The following NR2F1 variants were observed in gnomAD, a reference collection of about 807,000 sequenced individuals.
The protein encoded by NR2F1 is nuclear receptor subfamily 2 group F member 1, also known as COUP transcription factor 1.
A neutral mutation model predicts 37.7 loss-of-function variants in NR2F1; 1 was observed. The observed-to-expected ratio is 0.03, with a 90% CI of 0.01 to 0.13. NR2F1 has a LOEUF of 0.13. Among genes scored for constraint, NR2F1 ranks in the 10% least tolerant of loss-of-function variants. NR2F1 has a pLI of 1.00. For synonymous variants in NR2F1, 275 were observed against 259.6 expected, an observed-to-expected ratio of 1.06 and a Z score of -0.57; for missense variants, 268 against 578.4, an observed-to-expected ratio of 0.46 and a Z score of 5.50.
At chr5:93,586,834 T>C (rs1456733942) in intron 1 of NR2F1, among the ~76,000 whole-genome samples, 1 of 152,118 alleles carries the variant, frequency 6.6e-6, no homozygotes, top group African/African-American at 2.4e-5. Context: ...AGAGCTTCAA[T>C]TGCACTGGAA....
At chr5:93,592,471 A>T (rs1753347865) in intron 2 of NR2F1, among the ~76,000 whole-genome samples, 1 of 151,680 alleles carries the variant, frequency 6.6e-6, no homozygotes. Flanking sequence ...TTCCCTCCCT[A>T]TGCTTGCCTC....
chr5:93,585,043 G>T lies in NR2F1; in HGVS notation c.20G>T (p.Ser7Ile). The change falls in exon 1 of 3, where the codon AGC becomes ATC. Residue 7 changes from serine to isoleucine, a missense_variant. Coordinates refer to ENST00000327111, the MANE Select transcript of NR2F1 (RefSeq NM_005654.6). ...AAAGATATGGCAATGGTAGTTAGCAGCTGGCGAGATCCGCAGGACGACGTG... is the reference window on the plus strand; with the variant it reads ...AAAGATATGGCAATGGTAGTTAGCATCTGGCGAGATCCGCAGGACGACGTG... MAMVVSSWRDPQDDVAG... is the reference protein window; with the variant it reads MAMVVSIWRDPQDDVAG... 1 of 1,033,968 alleles carries T rather than the reference G, an allele frequency of 9.7e-7. No homozygotes were observed. Among genetic ancestry groups the T allele is most frequent in the East Asian group, 8.8e-5 (1 of 11,388 alleles). The allele number at this position is 1,033,968 out of a possible 1,614,324, so 64.0% of individuals were successfully genotyped here.
chr5:93,587,919 G>T lies in NR2F1; in HGVS notation c.466G>T (p.Val156Phe). The stretch of plus-strand genomic sequence containing the variant: ...TTTTCTCTCTTTCTTTTTGTCAGCG[G>T]TTCAGCGAGGAAGAATGCCTCCAAC... The part of the protein sequence containing the change: ...CLKVGMRREA[V>F]QRGRMPPTQP... Residue 156 changes from valine to phenylalanine, a missense_variant and splice_region_variant, in exon 2 of 3, where the codon GTT (valine) becomes TTT (phenylalanine). Physicochemically the swap from Val to Phe is conservative, Grantham distance 50. This residue lies in a region of NR2F1 where 16 missense variants were observed against 113.0 expected (regional missense o/e 0.14). Transcript: ENST00000327111. 1 of 1,561,460 alleles carries T rather than the reference G, an allele frequency of 6.4e-7. No homozygotes were observed. The highest frequency in any genetic ancestry group is 8.7e-7 in the Non-Finnish European group (1 of 1,151,038).
At chr5:93,586,255 C>A (rs167607) in intron 1 of NR2F1, among the ~76,000 whole-genome samples, 1 of 152,148 alleles carries the variant, frequency 6.6e-6, no homozygotes, top group Non-Finnish European at 1.5e-5. Flanking sequence ...CGTTTTATTT[C>A]TTCATCAAAC....
In NR2F1 at chr5:93,593,916, C is replaced by T. The variant is rs1044034877; in HGVS notation, c.*74C>T. 5 of 1,464,108 alleles carry T rather than the reference C, an allele frequency of 3.4e-6. No individual in the cohort carries two copies. Among genetic ancestry groups the T allele is most frequent in the Middle Eastern group, 1.8e-4 (1 of 5,536 alleles). 90.7% of individuals were successfully genotyped at this position (1,464,108 alleles called of 1,614,324 possible). ...CCACCTGGGCCAAGGACTCCAAAGCCGCGGGGACACCGGGAAGTGCAGCGG... is the reference window on the plus strand; with the variant it reads ...CCACCTGGGCCAAGGACTCCAAAGCTGCGGGGACACCGGGAAGTGCAGCGG... On this transcript the variant is annotated 3_prime_UTR_variant, in exon 3 of 3. Transcript: ENST00000327111. This position sits in a 1 kb window ranked among gnomAD's most constrained non-coding sequence, Gnocchi z 5.6.
chr5:93,588,455 G>A lies in NR2F1; in HGVS notation c.991+11G>A, dbSNP rs1753269419. ...TGCTGTTCACGTCAGGTGAGGCTGC[G>A]GTCGCGGGGAGGGCAGGCCGCGCCG... On this transcript the variant is annotated intron_variant, in intron 2 of 2. Coordinates refer to ENST00000327111, the MANE Select transcript of NR2F1 (RefSeq NM_005654.6). The A allele has an allele frequency of 6.5e-7, 1 of 1,548,384 alleles. No homozygotes were observed. Among genetic ancestry groups the A allele is most frequent in the Non-Finnish European group, 8.7e-7 (1 of 1,143,374 alleles).
chr5:93,593,443 CTTTTT>C lies in NR2F1; in HGVS notation c.992-117_992-113del. On this transcript the variant is annotated intron_variant, in intron 2 of 2. Coordinates refer to ENST00000327111, the MANE Select transcript of NR2F1 (RefSeq NM_005654.6). This position sits in a 1 kb window ranked among gnomAD's most constrained non-coding sequence, Gnocchi z 5.6. ...TGAATTTTTCTTTTCTCTTTTACTT[CTTTTT>C]TATTTTCCATTTTCTCCTTAAAAAA... The C allele has an allele frequency of 3.7e-6, 4 of 1,086,206 alleles. No individual in the cohort carries two copies. The highest frequency in any genetic ancestry group is 5.3e-6 in the Non-Finnish European group (4 of 753,996). 67.3% of individuals were successfully genotyped at this position (1,086,206 alleles called of 1,614,324 possible).
chr5:93,588,458 C>T lies in NR2F1; in HGVS notation c.991+14C>T, dbSNP rs746699014. ...TGTTCACGTCAGGTGAGGCTGCGGT[C>T]GCGGGGAGGGCAGGCCGCGCCGGCA... On this transcript the variant is annotated intron_variant, in intron 2 of 2. Coordinates refer to ENST00000327111, the MANE Select transcript of NR2F1 (RefSeq NM_005654.6). 1 of 1,534,750 alleles carries T rather than the reference C, an allele frequency of 6.5e-7. No homozygotes were observed. The highest frequency in any genetic ancestry group is 1.3e-5 in the South Asian group (1 of 79,004).
intron 2 of NR2F1, among the ~76,000 whole-genome samples, chr5:93,591,059 A>G (rs1005052808): frequency 6.6e-6 from 1 of 152,224 alleles, no homozygotes; most frequent in African/African-American, 2.4e-5. Context: ...CCTGAACACT[A>G]AACTCTTCTG....
chr5:93,591,753 G>A lies in NR2F1; in HGVS notation c.992-1809G>A, dbSNP rs111680593. Among the ~76,000 whole-genome samples, 699 of 152,260 alleles carry A rather than the reference G, an allele frequency of 4.6e-3. 5 individuals are homozygous for A. Among genetic ancestry groups the A allele is most frequent in the African/African-American group, 0.016 (680 of 41,554 alleles). ...CATTGCATTGTCTAGGGCTGAGAAT[G>A]ATCCATAAGCATGCAGGCAGATAAT... On this transcript the variant is annotated intron_variant, in intron 2 of 2. Transcript: ENST00000327111.
intron 2 of NR2F1, among the ~76,000 whole-genome samples, chr5:93,590,309 A>G (rs1753309555): frequency 1.3e-5 from 2 of 152,088 alleles, no homozygotes; most frequent in South Asian, 4.1e-4. Context: ...TACACCCCCT[A>G]AGGTTCTTTG....
At chr5:93,592,379 T>A (rs1051872265) in intron 2 of NR2F1, among the ~76,000 whole-genome samples, 29 of 152,164 alleles carry the variant, frequency 1.9e-4, no homozygotes, top group South Asian at 4.1e-4. Context: ...GGTTTTTTTT[T>A]AATATTTATT....
At chr5:93,587,805 C>A in intron 1 of NR2F1, 112 bp from the exon 2 acceptor site, 1 of 1,138,316 alleles carries the variant, frequency 8.8e-7, no homozygotes, top group Non-Finnish European at 1.2e-6. Flanking sequence ...ATGCGCGGGG[C>A]GCGTGTGGCT....
At position 93,584,179 on chromosome 5, in the gene NR2F1, GC is replaced by G. The variant is rs1392556162; in HGVS notation, c.-841del. ...CGGGACAGCGGCGGCGCCGCGGGCGGCCCCGGCCTCCGCTCGCGCTCCGGCT... is the reference window on the plus strand; with the variant it reads ...CGGGACAGCGGCGGCGCCGCGGGCGGCCCGGCCTCCGCTCGCGCTCCGGCT... On this transcript the variant is annotated 5_prime_UTR_variant, in exon 1 of 3. Transcript: ENST00000327111. The G allele has an allele frequency of 6.7e-6, 1 of 148,760 alleles. No individual in the cohort carries two copies. The highest frequency in any genetic ancestry group is 2.4e-5 in the African/African-American group (1 of 41,074). The allele number at this position is 148,760 out of a possible 1,614,324, so 9.2% of individuals were successfully genotyped here.
At chr5:93,589,076 A>G (rs1177558115) in intron 2 of NR2F1, among the ~76,000 whole-genome samples, 1 of 152,166 alleles carries the variant, frequency 6.6e-6, no homozygotes, top group Non-Finnish European at 1.5e-5. Flanking sequence ...TGGTGAGGTT[A>G]TTGAGGGTCG....
rs2149946474 is a variant in NR2F1, at chr5:93,594,340, A to T, written c.*498A>T. The T allele has an allele frequency of 6.5e-6, 1 of 152,706 alleles. No individual in the cohort carries two copies. The highest frequency in any genetic ancestry group is 3.4e-3 in the Middle Eastern group (1 of 294). The allele number at this position is 152,706 out of a possible 1,614,324, so 9.5% of individuals were successfully genotyped here. The stretch of plus-strand genomic sequence containing the variant: ...TTTATTTTCATTTTTTGTAAAATTT[A>T]AACATCGTATGCGCATAAAGAAAAA... On this transcript the variant is annotated 3_prime_UTR_variant, in exon 3 of 3. Transcript: ENST00000327111.
At chr5:93,589,975 A>G (rs774713881) in intron 2 of NR2F1, among the ~76,000 whole-genome samples, 1 of 152,242 alleles carries the variant, frequency 6.6e-6, no homozygotes, top group African/African-American at 2.4e-5. Context: ...ATAAAGTGCA[A>G]ACCTTAAAAC....
At chr5:93,587,319 G>A (rs1011904092) in intron 1 of NR2F1, 1 of 152,156 alleles carries the variant, frequency 6.6e-6, no homozygotes, top group Non-Finnish European at 1.5e-5. Context: ...ATGGGGCGAC[G>A]GGGAGGAGGG....
chr5:93,589,355 C>T (rs1753292805), intron 2 of NR2F1, among the ~76,000 whole-genome samples: 1 of 152,214 alleles, frequency 6.6e-6, no homozygotes, highest in South Asian at 2.1e-4. Context: ...CTGGTCTGAG[C>T]CTCCGAGAAC....
Sources: allele counts gnomAD v4.1 joint callset (sites outside exome capture counted in the v4.1 genomes callset), GRCh38; gene constraint gnomAD v4.1.1; regional missense constraint gnomAD v4.1.1; non-coding constraint Gnocchi (gnomAD v3.1); transcripts MANE v1.5; gene names NCBI Gene and HGNC (gene_info 2026-07-23, HGNC 2026-07-21).